Variants in UBE2L3 observed in about 807,000 individuals in gnomAD.
The protein encoded by UBE2L3 is ubiquitin-conjugating enzyme E2 L3.
A neutral mutation model predicts 17.8 loss-of-function variants in UBE2L3; 1 was observed. That is an observed-to-expected ratio of 0.06 (90% CI 0.02 to 0.27). The LOEUF (loss-of-function observed/expected upper bound fraction) is 0.27, where lower values mean the gene tolerates loss of function less well. UBE2L3 is among the 10% of genes least tolerant of loss of function. UBE2L3 has a pLI of 1.00. For synonymous variants in UBE2L3, 44 were observed against 68.5 expected (o/e 0.64, Z 1.76); for missense variants, 40 against 192.6 (o/e 0.21, Z 4.69).
rs965452963 is a variant in UBE2L3 at position 21,621,645 on chromosome 22, T to C, written c.441T>C (p.Tyr147=). The C allele has an allele frequency of 1.4e-5, 23 of 1,609,152 alleles. No homozygotes were observed. Among genetic ancestry groups the C allele is most frequent in the Middle Eastern group, 2.3e-4 (1 of 4,442 alleles). ...ATGCTGAAGAGTTTACAAAGAAATATGGGGAAAAGCGACCTGTGGACTAAA... is the reference window on the plus strand; with the variant it reads ...ATGCTGAAGAGTTTACAAAGAAATACGGGGAAAAGCGACCTGTGGACTAAA... ...CKNAEEFTKK[Y]GEKRPVD The change falls in exon 4 of 4, where the codon TAT becomes TAC. Residue 147 remains tyrosine (Y), a synonymous_variant. Transcript: ENST00000342192.
chr22:21,551,880 C>CACACAT lies in UBE2L3; in HGVS notation c.201+2235_201+2236insTACACA, dbSNP rs1213087297. Among the ~76,000 whole-genome samples the CACACAT allele has an allele frequency of 1.7e-3, 38 of 22,710 alleles. 3 individuals carry two copies. Among genetic ancestry groups the CACACAT allele is most frequent in the African/African-American group, 9.8e-3 (34 of 3,464 alleles). The allele number at this position is 22,710 out of a possible 152,430, so 14.9% of individuals were successfully genotyped here. On this transcript the variant is annotated intron_variant, in intron 1 of 3. Transcript: ENST00000458578. ...GCTGCAGAAGAAACACACACACACA[C>CACACAT]ACACACACAGCTGCAGAAGAAACAT... is the stretch of plus-strand genomic sequence containing the variant.
chr22:21,572,697 C>A (rs1568971019), intron 1 of UBE2L3, among the ~76,000 whole-genome samples: 2 of 152,138 alleles, frequency 1.3e-5, no homozygotes, highest in Non-Finnish European at 2.9e-5. Context: ...TAGAGAGCCA[C>A]AGAGACGTTC....
chr22:21,608,062 A>G (rs995039956), intron 2 of UBE2L3, among the ~76,000 whole-genome samples: 1 of 152,374 alleles, frequency 6.6e-6, no homozygotes, highest in African/African-American at 2.4e-5. Flanking sequence ...AAGAACACTT[A>G]AAACTCTATA....
intron 1 of UBE2L3, among the ~76,000 whole-genome samples, chr22:21,576,145 C>T (rs1197953900): frequency 2.1e-5 from 3 of 144,408 alleles, no homozygotes; most frequent in Non-Finnish European, 4.5e-5. Context: ...GGCGGAGTCT[C>T]GCTCTTTCAC....
intron 2 of UBE2L3, among the ~76,000 whole-genome samples, chr22:21,607,720 G>A (rs904892553): frequency 6.6e-6 from 1 of 152,040 alleles, no homozygotes; most frequent in Admixed American, 6.6e-5. Context: ...TCAGGCTCCT[G>A]GGGCCATCAG....
At chr22:21,564,821 G>A (rs1285454540), upstream of UBE2L3, among the ~76,000 whole-genome samples, 1 of 152,024 alleles carries the variant, frequency 6.6e-6, no homozygotes, top group Non-Finnish European at 1.5e-5. Context: ...ATTTGTCCTG[G>A]GCCCAGTAAG....
At chr22:21,600,236 C>CGGGGAG (rs980146811) in intron 2 of UBE2L3, among the ~76,000 whole-genome samples, 116 of 152,020 alleles carry the variant, frequency 7.6e-4, no homozygotes, top group African/African-American at 2.7e-3. Flanking sequence ...TCGCTTGAAC[C>CGGGGAG]GGGGAGGTGG....
At chr22:21,582,343 G>A (rs1568975173) in intron 1 of UBE2L3, among the ~76,000 whole-genome samples, 1 of 147,806 alleles carries the variant, frequency 6.8e-6, no homozygotes. Flanking sequence ...AATGTGGTGG[G>A]TTTTTTTTTG....
intron 2 of UBE2L3, among the ~76,000 whole-genome samples, chr22:21,598,119 CT>C (rs200628558): frequency 1.3e-5 from 2 of 149,586 alleles, no homozygotes; most frequent in Admixed American, 1.3e-4. Flanking sequence ...TAATATGAGT[CT>C]TTTCTCTTTT....
At chr22:21,563,291 C>T (rs183068892), upstream of UBE2L3, among the ~76,000 whole-genome samples, 1,058 of 148,146 alleles carry the variant, frequency 7.1e-3, 37 homozygotes, top group Admixed American at 0.06. Context: ...GTGGCTCACG[C>T]CTATAATCCC....
intron 3 of UBE2L3, chr22:21,614,630 C>T: frequency 7.3e-7 from 1 of 1,366,996 alleles, no homozygotes; most frequent in Non-Finnish European, 9.8e-7. Context: ...AATTCACAAC[C>T]TGTAGCTGAC....
intron 1 of UBE2L3, among the ~76,000 whole-genome samples, chr22:21,556,652 G>A (rs112348758): frequency 0.064 from 9,092 of 141,752 alleles, 507 homozygotes; most frequent in African/African-American, 0.23. Context: ...TGTAGAGATA[G>A]GGTCTTACCA....
At chr22:21,579,178 A>G (rs768504530) in intron 1 of UBE2L3, among the ~76,000 whole-genome samples, 1 of 151,682 alleles carries the variant, frequency 6.6e-6, no homozygotes, top group African/African-American at 2.4e-5. Flanking sequence ...TTTAGTAGAG[A>G]CGGGGGTTTC....
chr22:21,595,211 C>T (rs1211764037), intron 2 of UBE2L3, among the ~76,000 whole-genome samples: 1 of 152,234 alleles, frequency 6.6e-6, no homozygotes, highest in Non-Finnish European at 1.5e-5. Flanking sequence ...GCTCTTGTCC[C>T]TGTGTATACC....
intron 2 of UBE2L3, among the ~76,000 whole-genome samples, chr22:21,597,597 C>T (rs575748981): frequency 6.6e-6 from 1 of 151,750 alleles, no homozygotes; most frequent in Non-Finnish European, 1.5e-5. Flanking sequence ...CACACCTGGC[C>T]TTAAATTTTT....
intron 2 of UBE2L3, among the ~76,000 whole-genome samples, chr22:21,599,750 A>T (rs1385060276): frequency 6.6e-6 from 1 of 152,182 alleles, no homozygotes; most frequent in Non-Finnish European, 1.5e-5. Context: ...CAGAGGCCTG[A>T]CGGCATCCTG....
intron 2 of UBE2L3, among the ~76,000 whole-genome samples, chr22:21,593,385 A>G (rs1477447135): frequency 1.3e-5 from 2 of 152,002 alleles, no homozygotes; most frequent in African/African-American, 4.8e-5. Context: ...TTCGGGCTTT[A>G]TTCCTGGTCC....
Position 21,618,748 on chromosome 22 carries a change from C to T in UBE2L3, c.311-2767C>T, listed in dbSNP as rs549474194. 5.9e-5 allele frequency among the ~76,000 whole-genome samples: 9 copies of T among 151,988 alleles called. No individual in the cohort carries two copies. In the South Asian group the frequency reaches 6.2e-4, roughly 11 times the overall value. Reference sequence around the variant, plus strand: ...GACTACAGGCATGTGCCACCACAACCGGCTAATTTTATTTTTTATTTTTTG... The same window carrying T: ...GACTACAGGCATGTGCCACCACAACTGGCTAATTTTATTTTTTATTTTTTG... On this transcript the variant is annotated intron_variant, in intron 3 of 3. Transcript: ENST00000342192.
chr22:21,584,412 T>G (rs920825160), intron 1 of UBE2L3, among the ~76,000 whole-genome samples: 20 of 151,920 alleles, frequency 1.3e-4, no homozygotes, highest in African/African-American at 4.6e-4. Context: ...CCTGACCTTG[T>G]GTTCTGCCTG....
Sources: gnomAD v4.1 joint callset for allele counts (sites outside exome capture counted in the v4.1 genomes callset) on GRCh38, gnomAD v4.1.1 for gene constraint, MANE v1.5 for transcripts, NCBI Gene and HGNC (gene_info 2026-07-23, HGNC 2026-07-21) for gene names.